Variants in LPCAT4 observed in about 807,000 individuals in gnomAD.
LPCAT4 encodes lysophosphatidylcholine acyltransferase 4, also known as lysophospholipid acyltransferase LPCAT4.
Under a neutral mutation model 66.5 loss-of-function variants are expected in LPCAT4, and 30 were observed. That is an observed-to-expected ratio of 0.45 (90% confidence interval 0.34 to 0.61). The LOEUF is 0.61. LPCAT4 is among the 20% of genes least tolerant of loss of function. The pLI is 0.01. For missense variants in LPCAT4, 557 were observed against 656.7 expected, an observed-to-expected ratio of 0.85 and a Z score of 1.66; for synonymous variants, 253 against 262.1, an observed-to-expected ratio of 0.97 and a Z score of 0.34.
In LPCAT4 at chr15:34,361,527, G is replaced by C; in HGVS notation, c.1016C>G (p.Ser339Cys). ...LGKVLRKAGLSAGYVDAGAEP... is the reference protein window; with the variant it reads ...LGKVLRKAGLCAGYVDAGAEP... Reference sequence around the variant, plus strand: ...TGCCCCAGCGTCCACATAGCCAGCGGACAGCCTACGATGGAATTGTTGAAG... The same window carrying C: ...TGCCCCAGCGTCCACATAGCCAGCGCACAGCCTACGATGGAATTGTTGAAG... Residue 339 changes from serine (S) to cysteine (C), a missense_variant, in exon 11 of 14, where the codon TCC (serine) becomes TGC (cysteine). Physicochemically the swap from Ser to Cys is moderately radical, Grantham distance 112. Transcript: ENST00000314891. 6.2e-7 allele frequency: 1 copy of C among 1,613,474 alleles called. No homozygotes were observed. Among genetic ancestry groups the C allele is most frequent in the Non-Finnish European group, 8.5e-7 (1 of 1,180,024 alleles).
Position 34,367,138 on chromosome 15 carries a change from G to A in LPCAT4, c.-38C>T. On this transcript the variant is annotated 5_prime_UTR_variant, in exon 1 of 14. Coordinates refer to ENST00000314891, the MANE Select transcript of LPCAT4 (RefSeq NM_153613.3). ...TGGGAGGGAGGGCACCCCGGCCCTG[G>A]CCCCGGCCACCACTCTGCAGAGCAG... 2.0e-6 allele frequency: 3 copies of A among 1,496,972 alleles called. No homozygotes were observed. The highest frequency in any genetic ancestry group is 2.7e-6 in the Non-Finnish European group (3 of 1,120,918). The allele number at this position is 1,496,972 out of a possible 1,614,324, so 92.7% of individuals were successfully genotyped here. A position where few individuals can be genotyped will look rare whatever the true frequency, so the allele number is the denominator to read the frequency against.
In LPCAT4 at chr15:34,365,588, C is replaced by T. The variant is rs202015138; in HGVS notation, c.228G>A (p.Gln76=). Residue 76 remains glutamine, a synonymous_variant, in exon 2 of 14, where the codon CAG becomes CAA. Transcript: ENST00000314891. ...TCCATCCTGTAATTGGCTCCTGAAG[C>T]TGCTCCTCACTAAGACCGGCCACTT... ...WLQVAGLSEE[Q]LQEPITGWRK... is the part of the protein sequence containing the mutation. The T allele has an allele frequency of 1.9e-6, 3 of 1,614,242 alleles. No individual in the cohort carries two copies.
In LPCAT4 at chr15:34,365,649, A is replaced by T; in HGVS notation, c.167T>A (p.Ile56Asn). ...LAPIRVLLAFIVLFLLWPFAW... is the reference protein window; with the variant it reads ...LAPIRVLLAFNVLFLLWPFAW... ...AAAGGGCCAGAGGAGAAAGAGGACG[A>T]TAAAGGCCAGAAGCACTCGGATGGG... The change falls in exon 2 of 14, where the codon ATC (isoleucine) becomes AAC (asparagine). Residue 56 changes from isoleucine to asparagine, a missense_variant. Ile to Asn is a moderately radical substitution (Grantham distance 149). This residue lies in a region of LPCAT4 where 94 missense variants were observed against 71.5 expected (regional missense o/e 1.32). Coordinates refer to ENST00000314891, the MANE Select transcript of LPCAT4 (RefSeq NM_153613.3). 6.2e-7 allele frequency: 1 copy of T among 1,614,216 alleles called. No individual in the cohort carries two copies. The highest frequency in any genetic ancestry group is 8.5e-7 in the Non-Finnish European group (1 of 1,180,034).
In LPCAT4 at chr15:34,361,012, A is replaced by T. The variant is rs1266641139; in HGVS notation, c.1143+388T>A. On this transcript the variant is annotated intron_variant, in intron 11 of 13. Transcript: ENST00000314891. ...GATATAGCTGGGTCTCAAGCTCTCA[A>T]CCATCTAACTGTCCGGTGTTGTTTC... 10 of 196,026 alleles carry T rather than the reference A, an allele frequency of 5.1e-5. No individual in the cohort carries two copies. The Admixed American group carries it at 5.5e-4, about 11-fold the overall frequency. The allele number at this position is 196,026 out of a possible 1,614,324, so 12.1% of individuals were successfully genotyped here.
chr15:34,359,219 C>A lies in LPCAT4; in HGVS notation c.1483G>T (p.Gly495Cys), dbSNP rs765688374. ...TYLRPPHTSR[G>C]TSQTPNASSP... is the part of the protein sequence containing the mutation. ...GAGGCATTTGGTGTCTGGGAGGTGC[C>A]TCGAGAGGTGTGTGGGGGGCGCAGG... Residue 495 changes from glycine (G) to cysteine (C), a missense_variant, in exon 14 of 14, where the codon GGC (glycine) becomes TGC (cysteine). Physicochemically the swap from Gly to Cys is radical, Grantham distance 159. This residue lies in a region of LPCAT4 where 392 missense variants were observed against 473.9 expected (regional missense o/e 0.83). Coordinates refer to ENST00000314891, the MANE Select transcript of LPCAT4 (RefSeq NM_153613.3). The A allele has an allele frequency of 1.0e-5, 16 of 1,591,426 alleles. No individual in the cohort carries two copies. The highest frequency in any genetic ancestry group is 1.3e-5 in the Non-Finnish European group (15 of 1,168,770).
chr15:34,361,860 C>A (rs944007482), intron 10 of LPCAT4, among the ~76,000 whole-genome samples: 1 of 152,124 alleles, frequency 6.6e-6, no homozygotes, highest in Non-Finnish European at 1.5e-5. Context: ...CCACCAAACC[C>A]GGCAAATTTT....
In LPCAT4 at chr15:34,360,127, G is replaced by A. The variant is rs1890908938; in HGVS notation, c.1226C>T (p.Thr409Ile). 3 of 1,612,670 alleles carry A rather than the reference G, an allele frequency of 1.9e-6. No individual in the cohort carries two copies. The Admixed American group carries it at 5.0e-5, about 27-fold the overall frequency. Residue 409 changes from threonine to isoleucine, a missense_variant, in exon 12 of 14, where the codon ACT (threonine) becomes ATT (isoleucine). Thr to Ile is a moderately conservative substitution (Grantham distance 89, BLOSUM62 -1). Coordinates refer to ENST00000314891, the MANE Select transcript of LPCAT4 (RefSeq NM_153613.3). Reference protein sequence around the residue: ...LDGGRSLEELTRLAFELFAEE... With the variant: ...LDGGRSLEELIRLAFELFAEE... The stretch of plus-strand genomic sequence containing the variant: ...CCCCATTACCTCAAAGGCCAGACGA[G>A]TTAGCTCTTCCAGGCTCCTGCCCCC...
At chr15:34,359,999 T>A (rs958808097) in intron 12 of LPCAT4, 112 bp downstream of exon 12, 10 of 941,786 alleles carry the variant, frequency 1.1e-5, no homozygotes, top group Non-Finnish European at 1.5e-5. Context: ...CTAGGTTGGA[T>A]ACCAAATGCC....
chr15:34,363,299 A>T lies in LPCAT4; in HGVS notation c.746+123T>A. Reference sequence around the variant, plus strand: ...TCAGGGGGAAAGTGGTGTCTCCTCTAGAGTTCTCTCAGTCCTCAGATGAAG... The same window carrying T: ...TCAGGGGGAAAGTGGTGTCTCCTCTTGAGTTCTCTCAGTCCTCAGATGAAG... On this transcript the variant is annotated intron_variant, in intron 7 of 13. Transcript: ENST00000314891. The surrounding 1 kb of genome is among the most constrained non-coding windows in gnomAD (Gnocchi z 4.3). 1 of 1,060,156 alleles carries T rather than the reference A, an allele frequency of 9.4e-7. No individual in the cohort carries two copies. The highest frequency in any genetic ancestry group is 1.4e-6 in the Non-Finnish European group (1 of 711,732). 65.7% of individuals were successfully genotyped at this position (1,060,156 alleles called of 1,614,324 possible). A position where few individuals can be genotyped will look rare whatever the true frequency, so the allele number is the denominator to read the frequency against.
Position 34,365,122 on chromosome 15 carries a change from G to A in LPCAT4, c.364C>T (p.Pro122Ser). The A allele has an allele frequency of 6.2e-7, 1 of 1,614,230 alleles. No individual in the cohort carries two copies. The highest frequency in any genetic ancestry group is 8.5e-7 in the Non-Finnish European group (1 of 1,180,046). ...RGQRASRLQA[P>S]VLVAAPHSTF... The stretch of plus-strand genomic sequence containing the variant: ...GAGTGTGGGGCAGCAACAAGGACAG[G>A]GGCTTGAAGGCGAGAGGCTCGCTGG... The change falls in exon 3 of 14, where the codon CCT (proline) becomes TCT (serine). Residue 122 changes from proline (P) to serine (S), a missense_variant. Pro to Ser is a moderately conservative substitution (Grantham distance 74). Coordinates refer to ENST00000314891, the MANE Select transcript of LPCAT4 (RefSeq NM_153613.3).
rs754558729 is a variant in LPCAT4, at chr15:34,365,142, C to T, written c.344G>A (p.Arg115Gln). 6.8e-6 allele frequency: 11 copies of T among 1,614,042 alleles called. No individual in the cohort carries two copies. The East Asian group carries it at 1.1e-4, about 16-fold the overall frequency. ...GACAGGGGCTTGAAGGCGAGAGGCT[C>T]GCTGGCCACGAACGCGAATCCGGAG... ...GFLRIRVRGQ[R>Q]ASRLQAPVLV... Residue 115 changes from arginine to glutamine, a missense_variant, in exon 3 of 14, where the codon CGA becomes CAA. Physicochemically the swap from Arg to Gln is conservative, Grantham distance 43. Coordinates refer to ENST00000314891, the MANE Select transcript of LPCAT4 (RefSeq NM_153613.3).
At position 34,362,282 on chromosome 15, in the gene LPCAT4, C is replaced by T. The variant is rs148333210; in HGVS notation, c.924G>A (p.Gly308=). The T allele has an allele frequency of 4.3e-6, 7 of 1,614,106 alleles. No individual in the cohort carries two copies. The highest frequency in any genetic ancestry group is 1.7e-5 in the Admixed American group (1 of 60,010). The change falls in exon 10 of 14, where the codon GGG becomes GGA. Residue 308 remains glycine (G), a synonymous_variant. Coordinates refer to ENST00000314891, the MANE Select transcript of LPCAT4 (RefSeq NM_153613.3). ...GGCCCACCACAATCACAGGTAAGCT[C>T]CCTACAAACTCACATTCGGTGGCTG... is the stretch of plus-strand genomic sequence containing the variant. ...GIPATECEFV[G]SLPVIVVGRL...
intron 10 of LPCAT4, 34 bp downstream of exon 10, chr15:34,362,162 C>T: frequency 6.4e-7 from 1 of 1,552,204 alleles, no homozygotes. Flanking sequence ...CTCTCTGTGA[C>T]ACTGCTCATA....
intron 1 of LPCAT4, 73 bp from the exon 2 acceptor site, chr15:34,365,774 G>A: frequency 4.5e-6 from 7 of 1,544,410 alleles, no homozygotes; most frequent in Non-Finnish European, 3.5e-6. Flanking sequence ...CTTCCACAAA[G>A]CATAGACCCA....
chr15:34,363,003 G>T lies in LPCAT4; in HGVS notation c.747-167C>A. The T allele has an allele frequency of 1.5e-6, 1 of 689,238 alleles. No homozygotes were observed. Among genetic ancestry groups the T allele is most frequent in the South Asian group, 1.7e-5 (1 of 58,706 alleles). The allele number at this position is 689,238 out of a possible 1,614,324, so 42.7% of individuals were successfully genotyped here. Reference sequence around the variant, plus strand: ...ATACAGTCAGGTGGGTGAATATGCAGTTGGGAGACACAAGGAACGGCCAGA... The same window carrying T: ...ATACAGTCAGGTGGGTGAATATGCATTTGGGAGACACAAGGAACGGCCAGA... On this transcript the variant is annotated intron_variant, in intron 7 of 13. Transcript: ENST00000314891. The surrounding 1 kb of genome is among the most constrained non-coding windows in gnomAD (Gnocchi z 4.3).
At position 34,365,155 on chromosome 15, in the gene LPCAT4, C is replaced by A. The variant is rs749438751; in HGVS notation, c.331G>T (p.Val111Phe). Reference protein sequence around the residue: ...FFLLGFLRIRVRGQRASRLQA... With the variant: ...FFLLGFLRIRFRGQRASRLQA... ...AGGCGAGAGGCTCGCTGGCCACGAACGCGAATCCGGAGGAAGCCCAGCAGG... is the reference window on the plus strand; with the variant it reads ...AGGCGAGAGGCTCGCTGGCCACGAAAGCGAATCCGGAGGAAGCCCAGCAGG... The change falls in exon 3 of 14, where the codon GTT (valine) becomes TTT (phenylalanine). Residue 111 changes from valine (V) to phenylalanine (F), a missense_variant. Val to Phe is a conservative substitution (Grantham distance 50). Around this residue, in one of 4 missense-constraint regions of LPCAT4, gnomAD observed 65 missense variants for 83.5 expected, o/e 0.78. Coordinates refer to ENST00000314891, the MANE Select transcript of LPCAT4 (RefSeq NM_153613.3). The A allele has an allele frequency of 1.9e-6, 3 of 1,614,182 alleles. No individual in the cohort carries two copies. The highest frequency in any genetic ancestry group is 2.5e-6 in the Non-Finnish European group (3 of 1,180,018).
rs1595623875 is a variant in LPCAT4 at position 34,367,052 on chromosome 15, C to CG, written c.48dup (p.Gly17ArgfsTer12). 1.6e-5 allele frequency: 6 copies of CG among 385,438 alleles called. No homozygotes were observed. Among genetic ancestry groups the CG allele is most frequent in the South Asian group, 2.8e-5 (1 of 36,294 alleles). The allele number at this position is 385,438 out of a possible 1,614,324, so 23.9% of individuals were successfully genotyped here. ...AAGGGGTTGGGGGATGCTGGGGGTC[C>CG]GGGGGTGGGATCTAGGGGGGCCCAG... On this transcript the variant is annotated frameshift_variant, in exon 1 of 14. Transcript: ENST00000314891. LOFTEE classifies it high-confidence loss of function.
At chr15:34,365,784 A>G (rs1220968389) in intron 1 of LPCAT4, 83 bp from the exon 2 acceptor site, 1 of 1,484,898 alleles carries the variant, frequency 6.7e-7, no homozygotes, top group Non-Finnish European at 9.2e-7. Context: ...GCATAGACCC[A>G]GGAGCAGACA....
Position 34,361,492 on chromosome 15 carries a change from G to A in LPCAT4, c.1051C>T (p.Arg351Trp), listed in dbSNP as rs776501231. Residue 351 changes from arginine to tryptophan, a missense_variant, in exon 11 of 14, where the codon CGG (arginine) becomes TGG (tryptophan). This residue lies in a region of LPCAT4 where 392 missense variants were observed against 473.9 expected (regional missense o/e 0.83). Transcript: ENST00000314891. ...TCTTCCTGGCTGATCATTCGACTCC[G>A]GCCTGGCTCTGCCCCAGCGTCCACA... ...GYVDAGAEPG[R>W]SRMISQEEFA... is the part of the protein sequence containing the mutation. 14 of 1,613,904 alleles carry A rather than the reference G, an allele frequency of 8.7e-6. No individual in the cohort carries two copies. In the Admixed American group the frequency reaches 1.0e-4, roughly 12 times the overall value.
Sources: gnomAD v4.1 joint callset for allele counts (sites outside exome capture counted in the v4.1 genomes callset) on GRCh38, gnomAD v4.1.1 for gene constraint, gnomAD v4.1.1 regional missense constraint, Gnocchi (gnomAD v3.1) non-coding constraint, MANE v1.5 for transcripts, NCBI Gene and HGNC (gene_info 2026-07-23, HGNC 2026-07-21) for gene names.